LBP: variants seen among roughly 807,000 people sequenced by gnomAD.
LBP encodes lipopolysaccharide-binding protein.
Under a neutral mutation model 56.6 loss-of-function variants are expected in LBP, and 53 were observed. The observed-to-expected ratio is 0.94, with a 90% CI of 0.75 to 1.18. The LOEUF (loss-of-function observed/expected upper bound fraction) is 1.18, where lower values mean the gene tolerates loss of function less well. Ranked by LOEUF, LBP falls within the 50% of genes most tolerant of loss-of-function variation. The pLI is 0.00. For missense variants in LBP, 601 were observed against 598.3 expected, an observed-to-expected ratio of 1.00 and a Z score of -0.05; for synonymous variants, 227 against 247.5, an observed-to-expected ratio of 0.92 and a Z score of 0.78.
chr20:38,372,307 T>C (rs1640706686), intron 12 of LBP, among the ~76,000 whole-genome samples: 1 of 152,158 alleles, frequency 6.6e-6, no homozygotes, highest in African/African-American at 2.4e-5. Flanking sequence ...GAAGCACTTA[T>C]GAAGTGGAAA....
chr20:38,362,699 G>A (rs1025143241), intron 6 of LBP, among the ~76,000 whole-genome samples: 13 of 151,832 alleles, frequency 8.6e-5, no homozygotes, highest in Middle Eastern at 3.2e-3. Flanking sequence ...TATAATCCCA[G>A]CACTTTGGGA....
chr20:38,365,704 AAAAAAAAAAAAAAATAT>A (rs1442749836), intron 8 of LBP, among the ~76,000 whole-genome samples: 2 of 69,034 alleles, frequency 2.9e-5, no homozygotes, highest in African/African-American at 1.5e-4. Flanking sequence ...CTCAAAAAAA[AAAAAAAAAAAAAAATAT>A]ATATATATAT....
intron 4 of LBP, 124 bp from the exon 5 acceptor site, chr20:38,355,222 A>T (rs1170974747): frequency 7.4e-6 from 6 of 806,818 alleles, no homozygotes; most frequent in Non-Finnish European, 1.3e-5. Context: ...GGGACACAGC[A>T]GGGCGCCGGG....
chr20:38,371,380 A>T (rs113435348), intron 12 of LBP, 58 bp downstream of exon 12: 2 of 1,274,436 alleles, frequency 1.6e-6, no homozygotes, highest in South Asian at 1.2e-5. Context: ...GGTGTTTCCT[A>T]AGCAATTGCT....
chr20:38,348,746 A>AAGTTT (rs375624891), intron 1 of LBP, among the ~76,000 whole-genome samples: 5,844 of 136,986 alleles, frequency 0.043, 251 homozygotes, highest in East Asian at 0.14. Context: ...CCAATGAGGA[A>AAGTTT]AGTTTAGTTT....
At chr20:38,372,724 G>T (rs2122627809) in intron 12 of LBP, among the ~76,000 whole-genome samples, 1 of 152,226 alleles carries the variant, frequency 6.6e-6, no homozygotes, top group South Asian at 2.1e-4. Flanking sequence ...TGTGTTTCAT[G>T]ATTTTGGTAG....
chr20:38,367,641 A>G (rs1299437155), intron 9 of LBP, among the ~76,000 whole-genome samples: 1 of 152,192 alleles, frequency 6.6e-6, no homozygotes, highest in Non-Finnish European at 1.5e-5. Flanking sequence ...TATTCTATGT[A>G]TATACAGGTT....
intron 14 of LBP, 115 bp from the exon 15 acceptor site, chr20:38,376,510 C>T: frequency 3.2e-6 from 3 of 948,694 alleles, no homozygotes; most frequent in Admixed American, 1.7e-5. Flanking sequence ...ATGCACTGAC[C>T]TGGATTCTGG....
At chr20:38,375,854 G>C (rs1411077749) in intron 14 of LBP, among the ~76,000 whole-genome samples, 1 of 152,074 alleles carries the variant, frequency 6.6e-6, no homozygotes, top group African/African-American at 2.4e-5. Flanking sequence ...TGAAGGGCAG[G>C]GGGGATGATT....
intron 7 of LBP, 49 bp downstream of exon 7, chr20:38,364,115 C>A: frequency 7.6e-7 from 1 of 1,317,692 alleles, no homozygotes; most frequent in Non-Finnish European, 1.1e-6. Context: ...CCCTCAGGGT[C>A]AGCCATTCTT....
rs1229689650 is a variant in LBP, at chr20:38,362,053, C to CTT, written c.652+1306_652+1307dup. ...GGCTCACGCCTTTATTTTTTGTTTT[C>CTT]TTTTTTTTTTTTTTTTTTTTTGTGA... On this transcript the variant is annotated intron_variant, in intron 6 of 14. Transcript: ENST00000217407. 9.9e-3 allele frequency among the ~76,000 whole-genome samples: 1,163 copies of CTT among 117,558 alleles called. 8 individuals carry two copies. Among genetic ancestry groups the CTT allele is most frequent in the African/African-American group, 0.02 (632 of 31,700 alleles). 77.1% of individuals were successfully genotyped at this position (117,558 alleles called of 152,430 possible).
At chr20:38,361,180 AAAAG>A (rs1049250803) in intron 6 of LBP, among the ~76,000 whole-genome samples, 5 of 152,026 alleles carry the variant, frequency 3.3e-5, no homozygotes, top group African/African-American at 1.2e-4. Flanking sequence ...AAAAAAAAAA[AAAAG>A]AAAGTAAAAA....
chr20:38,367,072 G>T (rs1445165915), intron 9 of LBP, among the ~76,000 whole-genome samples: 1 of 152,122 alleles, frequency 6.6e-6, no homozygotes, highest in Non-Finnish European at 1.5e-5. Flanking sequence ...AGGAATGCTG[G>T]CATAGTCCAT....
intron 13 of LBP, among the ~76,000 whole-genome samples, chr20:38,373,719 A>T (rs187614556): frequency 6.1e-4 from 93 of 151,786 alleles, no homozygotes; most frequent in African/African-American, 2.0e-3. Flanking sequence ...CCTTTCTGAC[A>T]CTTCCTGTGT....
intron 5 of LBP, among the ~76,000 whole-genome samples, chr20:38,358,887 T>C (rs538433798): frequency 1.3e-5 from 2 of 152,316 alleles, no homozygotes; most frequent in East Asian, 3.9e-4. Context: ...AAAGAAAATA[T>C]TGACGTATGA....
chr20:38,346,499 C>G lies in LBP; in HGVS notation c.-18C>G, dbSNP rs1054501130. The G allele has an allele frequency of 1.5e-5, 24 of 1,612,956 alleles. No homozygotes were observed. In the Middle Eastern group the frequency reaches 1.3e-3, roughly 89 times the overall value. Reference sequence around the variant, plus strand: ...CCACAGCTGGGACAGTCCTGGCCCACTGCACTGGGAATCTAGGATGGGGGC... The same window carrying G: ...CCACAGCTGGGACAGTCCTGGCCCAGTGCACTGGGAATCTAGGATGGGGGC... On this transcript the variant is annotated 5_prime_UTR_variant, in exon 1 of 15. Coordinates refer to ENST00000217407, the MANE Select transcript of LBP (RefSeq NM_004139.5).
In LBP at chr20:38,373,809, A is replaced by G. The variant is rs2076908800; in HGVS notation, c.1325-128A>G. On this transcript the variant is annotated intron_variant, in intron 13 of 14. Coordinates refer to ENST00000217407, the MANE Select transcript of LBP (RefSeq NM_004139.5). ...TGGAAAGAATAATCACACCTACCTC[A>G]TAGTCTTGGAAATCACTAAATGGGA... 6 of 789,524 alleles carry G rather than the reference A, an allele frequency of 7.6e-6. No homozygotes were observed. In the South Asian group the frequency reaches 9.8e-5, roughly 13 times the overall value. 48.9% of individuals were successfully genotyped at this position (789,524 alleles called of 1,614,324 possible). A position where few individuals can be genotyped will look rare whatever the true frequency, so the allele number is the denominator to read the frequency against.
At position 38,364,601 on chromosome 20, in the gene LBP, G is replaced by T; in HGVS notation, c.770G>T (p.Arg257Leu). Residue 257 changes from arginine to leucine, a missense_variant, in exon 8 of 15, where the codon CGT becomes CTT. Coordinates refer to ENST00000217407, the MANE Select transcript of LBP (RefSeq NM_004139.5). ...GGTGAAATCTTTCATCGTAACCACC[G>T]TTCTCCAGTTACCCTCCTTGCTGCA... is the stretch of plus-strand genomic sequence containing the variant. ...FKGEIFHRNH[R>L]SPVTLLAAVM... 6.2e-7 allele frequency: 1 copy of T among 1,613,990 alleles called. No individual in the cohort carries two copies. Among genetic ancestry groups the T allele is most frequent in the Non-Finnish European group, 8.5e-7 (1 of 1,179,994 alleles).
At chr20:38,348,792 T>TTTAGTTTAGTTTAGTTTA (rs1600721185) in intron 1 of LBP, among the ~76,000 whole-genome samples, 2,172 of 41,372 alleles carry the variant, frequency 0.052, 30 homozygotes, top group Non-Finnish European at 0.068. Flanking sequence ...AGTTTAGTTT[T>TTTAGTTTAGTTTAGTTTA]GTTTTGTTTT....
Sources: gnomAD v4.1 joint callset for allele counts (sites outside exome capture counted in the v4.1 genomes callset) on GRCh38, gnomAD v4.1.1 for gene constraint, MANE v1.5 for transcripts, NCBI Gene and HGNC (gene_info 2026-07-23, HGNC 2026-07-21) for gene names.